Variants in GRID2 observed in about 807,000 individuals in gnomAD.
GRID2 encodes glutamate receptor ionotropic, delta-2.
GRID2 carries 33 observed loss-of-function variants against 114.8 expected under a neutral mutation model. The ratio of observed to expected loss-of-function variants is 0.29; its 90% CI spans 0.22 to 0.38. The LOEUF (loss-of-function observed/expected upper bound fraction) is 0.38, where lower values mean the gene tolerates loss of function less well. Ranked by LOEUF, GRID2 falls within the 10% of genes least tolerant of loss-of-function variation. The probability of loss-of-function intolerance (pLI) is 1.00; values close to 1 mark genes in which losing one functional copy is unlikely to be tolerated. For synonymous variants in GRID2, 505 were observed against 449.9 expected, an observed-to-expected ratio of 1.12 and a Z score of -1.55; for missense variants, 1,184 against 1,257.7, an observed-to-expected ratio of 0.94 and a Z score of 0.89.
At chr4:93,446,630 G>A (rs1722118947) in intron 10 of GRID2, among the ~76,000 whole-genome samples, 1 of 151,974 alleles carries the variant, frequency 6.6e-6, no homozygotes, top group Non-Finnish European at 1.5e-5. Context: ...TTTCCAAGGG[G>A]GCACTGTCTC....
chr4:92,858,848 G>T (rs989308164), intron 2 of GRID2, among the ~76,000 whole-genome samples: 21 of 152,140 alleles, frequency 1.4e-4, no homozygotes, highest in Admixed American at 1.4e-3. Context: ...TGAGCACTGT[G>T]TCTGGCCAGG....
intron 2 of GRID2, among the ~76,000 whole-genome samples, chr4:92,597,557 T>A (rs920184903): frequency 1.3e-5 from 2 of 152,132 alleles, no homozygotes; most frequent in African/African-American, 4.8e-5. Flanking sequence ...TTTGGAAGAG[T>A]CTTTAGCAGC....
chr4:92,733,905 C>A (rs1406067622), intron 2 of GRID2, among the ~76,000 whole-genome samples: 1 of 152,030 alleles, frequency 6.6e-6, no homozygotes, highest in Non-Finnish European at 1.5e-5. Flanking sequence ...CTCAAAAATT[C>A]TTCAGAGGAG....
At chr4:92,989,768 T>G (rs1342594136) in intron 2 of GRID2, among the ~76,000 whole-genome samples, 1 of 152,144 alleles carries the variant, frequency 6.6e-6, no homozygotes, top group Non-Finnish European at 1.5e-5. Flanking sequence ...TTTCACACAA[T>G]TCATCATAAT....
rs1034127492 is a variant in GRID2, at chr4:93,786,184, C to A, written c.221+16734C>A. Among the ~76,000 whole-genome samples, 15 of 152,164 alleles carry A rather than the reference C, an allele frequency of 9.9e-5. No homozygotes were observed. In the East Asian group the frequency reaches 2.9e-3, roughly 29 times the overall value. ...TAAGCATATCCATGAGAACCAGCAA[C>A]AGATAGATCCTCAGGCCCCGGGTGA... On this transcript the variant is annotated intron_variant, in intron 1 of 1. Transcript: ENST00000637838.
chr4:92,942,243 C>T (rs1359792023), intron 2 of GRID2, among the ~76,000 whole-genome samples: 1 of 150,644 alleles, frequency 6.6e-6, no homozygotes, highest in Non-Finnish European at 1.5e-5. Context: ...CTTTATGAAT[C>T]TGGGTGCTCC....
chr4:93,370,894 C>A (rs1762825410), intron 8 of GRID2, among the ~76,000 whole-genome samples: 1 of 152,086 alleles, frequency 6.6e-6, no homozygotes, highest in African/African-American at 2.4e-5. Flanking sequence ...TGCTCATAAA[C>A]TTCTGATGAA....
At chr4:93,466,902 G>T (rs1215350269) in intron 11 of GRID2, among the ~76,000 whole-genome samples, 2 of 152,182 alleles carry the variant, frequency 1.3e-5, no homozygotes, top group African/African-American at 4.8e-5. Flanking sequence ...TAGATTGAAA[G>T]AAAGCCTTTA....
chr4:93,050,240 T>G (rs182894753), intron 2 of GRID2, among the ~76,000 whole-genome samples: 3 of 152,210 alleles, frequency 2.0e-5, no homozygotes, highest in Admixed American at 2.0e-4. Flanking sequence ...CAATAGCCAG[T>G]CAACCATTAA....
intron 2 of GRID2, among the ~76,000 whole-genome samples, chr4:93,083,787 A>T (rs115560580): frequency 0.038 from 5,799 of 151,996 alleles, 360 homozygotes; most frequent in African/African-American, 0.13. Context: ...TGCTTGAAAA[A>T]TATGTCTCAA....
At chr4:92,921,517 G>A (rs1355499995) in intron 2 of GRID2, among the ~76,000 whole-genome samples, 2 of 152,104 alleles carry the variant, frequency 1.3e-5, no homozygotes, top group Non-Finnish European at 2.9e-5. Flanking sequence ...ACATACAGAT[G>A]GGATTTTGGT....
chr4:92,977,734 G>A lies in GRID2; in HGVS notation c.245-107261G>A, dbSNP rs147658715. Among the ~76,000 whole-genome samples the A allele has an allele frequency of 4.6e-5, 7 of 152,166 alleles. No homozygotes were observed. The East Asian group carries it at 1.2e-3, about 25-fold the overall frequency. On this transcript the variant is annotated intron_variant, in intron 2 of 15. Transcript: ENST00000282020. ...TGGAGAGAAGTCAAGATATATGTTT[G>A]GATTTAAAATCAATAGGATTTCCTG...
intron 2 of GRID2, among the ~76,000 whole-genome samples, chr4:92,960,600 C>G (rs1362847518): frequency 6.6e-6 from 1 of 151,812 alleles, no homozygotes; most frequent in Non-Finnish European, 1.5e-5. Context: ...ATATATTTCC[C>G]CATTCATTTA....
intron 14 of GRID2, among the ~76,000 whole-genome samples, chr4:93,753,390 A>G (rs1445213968): frequency 1.3e-5 from 2 of 152,140 alleles, no homozygotes; most frequent in Non-Finnish European, 2.9e-5. Context: ...CATGTGCCCA[A>G]CGTGCAGGTT....
At chr4:93,488,417 T>G (rs1726624369) in intron 11 of GRID2, among the ~76,000 whole-genome samples, 1 of 151,814 alleles carries the variant, frequency 6.6e-6, no homozygotes, top group African/African-American at 2.4e-5. Context: ...AACCAAAGGG[T>G]GTACTTACCC....
At chr4:93,392,951 T>C (rs1291129729) in intron 8 of GRID2, among the ~76,000 whole-genome samples, 3 of 152,002 alleles carry the variant, frequency 2.0e-5, no homozygotes, top group African/African-American at 7.2e-5. Flanking sequence ...CATATGGTCA[T>C]TGTGAAGCTT....
intron 2 of GRID2, among the ~76,000 whole-genome samples, chr4:92,636,369 G>A (rs767112276): frequency 6.6e-6 from 1 of 151,930 alleles, no homozygotes; most frequent in Non-Finnish European, 1.5e-5. Flanking sequence ...TTTAAAGTTA[G>A]AGGATGTTCA....
chr4:93,656,847 A>T (rs1278898055), intron 14 of GRID2, among the ~76,000 whole-genome samples: 2 of 148,176 alleles, frequency 1.3e-5, no homozygotes, highest in African/African-American at 5.1e-5. Flanking sequence ...AAAAAAAAAA[A>T]AAAAAAAAAA....
intron 2 of GRID2, among the ~76,000 whole-genome samples, chr4:92,611,272 G>C (rs769951749): frequency 1.3e-5 from 2 of 151,308 alleles, no homozygotes; most frequent in Non-Finnish European, 3.0e-5. Context: ...CAAGATCAAG[G>C]TGCCAGCCAG....
Sources: gnomAD v4.1 joint callset for allele counts (sites outside exome capture counted in the v4.1 genomes callset) on GRCh38, gnomAD v4.1.1 for gene constraint, MANE v1.5 for transcripts, NCBI Gene and HGNC (gene_info 2026-07-23, HGNC 2026-07-21) for gene names.